Variants in CPT1A observed in about 807,000 individuals in gnomAD.
CPT1A encodes carnitine palmitoyltransferase 1A.
A neutral mutation model predicts 100.8 loss-of-function variants in CPT1A; 64 were observed. The observed-to-expected ratio is 0.63, with a 90% CI of 0.52 to 0.78. CPT1A has a LOEUF of 0.78. CPT1A is among the 30% of genes least tolerant of loss of function. The pLI, the probability that CPT1A is intolerant of heterozygous loss-of-function variation, is 0.00. For missense variants in CPT1A, 802 were observed against 1,034.1 expected, an observed-to-expected ratio of 0.78 and a Z score of 3.08; for synonymous variants, 363 against 396.0, an observed-to-expected ratio of 0.92 and a Z score of 0.99.
chr11:68,754,701 T>C (rs1946660756), downstream of CPT1A: 1 of 729,108 alleles, frequency 1.4e-6, no homozygotes, highest in Admixed American at 1.9e-5. Context: ...GATGAATAAA[T>C]GCACAGCAAG....
At chr11:68,805,654 A>G (rs1856023400) in intron 4 of CPT1A, among the ~76,000 whole-genome samples, 1 of 152,098 alleles carries the variant, frequency 6.6e-6, no homozygotes, top group Non-Finnish European at 1.5e-5. Context: ...CAAGAAACCA[A>G]AGCAGACCCA....
In CPT1A at chr11:68,833,821, G is replaced by A. The variant is rs762537888; in HGVS notation, c.-14+7954C>T. ...ATGTAAGACTCACCTTATGTTTTTCGGAGGGTTTCATGTACAAGAAAGGTG... is the reference window on the plus strand; with the variant it reads ...ATGTAAGACTCACCTTATGTTTTTCAGAGGGTTTCATGTACAAGAAAGGTG... On this transcript the variant is annotated intron_variant, in intron 1 of 18. Coordinates refer to ENST00000265641, the MANE Select transcript of CPT1A (RefSeq NM_001876.4). Among the ~76,000 whole-genome samples the A allele has an allele frequency of 6.6e-5, 10 of 151,992 alleles. No individual in the cohort carries two copies. In the East Asian group the frequency reaches 1.9e-3, roughly 29 times the overall value.
At chr11:68,828,904 G>A (rs1257654540) in intron 1 of CPT1A, among the ~76,000 whole-genome samples, 1 of 152,120 alleles carries the variant, frequency 6.6e-6, no homozygotes, top group Admixed American at 6.5e-5. Flanking sequence ...CTGCTGCCTT[G>A]GGCCCCTCTG....
intron 11 of CPT1A, among the ~76,000 whole-genome samples, chr11:68,781,088 G>A (rs569144490): frequency 1.2e-4 from 19 of 152,284 alleles, no homozygotes; most frequent in African/African-American, 3.6e-4. Flanking sequence ...TGCAGGGGGC[G>A]GGGCTGGCCA....
rs1397904582 is a variant in CPT1A at position 68,780,754 on chromosome 11, AAC to A, written c.1353-11_1353-10del. 2.5e-6 allele frequency: 4 copies of A among 1,610,878 alleles called. No homozygotes were observed. Among genetic ancestry groups the A allele is most frequent in the South Asian group, 2.2e-5 (2 of 91,006 alleles). ...ACGACTTGTCAAACCACCTACGTGAAACACACATGTGTGGAACTTAAGTGTTT... is the reference window on the plus strand; with the variant it reads ...ACGACTTGTCAAACCACCTACGTGAAACACATGTGTGGAACTTAAGTGTTT... On this transcript the variant is annotated splice_polypyrimidine_tract_variant and intron_variant, in intron 11 of 18. Coordinates refer to ENST00000265641, the MANE Select transcript of CPT1A (RefSeq NM_001876.4).
intron 5 of CPT1A, among the ~76,000 whole-genome samples, chr11:68,800,861 C>G (rs888321731): frequency 6.6e-6 from 1 of 151,938 alleles, no homozygotes; most frequent in Non-Finnish European, 1.5e-5. Flanking sequence ...ATGCCTGTAA[C>G]CCCAGCACTT....
At chr11:68,774,150 A>T (rs1170311262) in intron 13 of CPT1A, among the ~76,000 whole-genome samples, 1 of 152,228 alleles carries the variant, frequency 6.6e-6, no homozygotes, top group Non-Finnish European at 1.5e-5. Flanking sequence ...GCCCTCTTCC[A>T]AATGTACTTT....
intron 15 of CPT1A, 95 bp from the exon 16 acceptor site, chr11:68,761,782 G>C: frequency 7.0e-7 from 1 of 1,435,486 alleles, no homozygotes; most frequent in South Asian, 1.2e-5. Context: ...AATATTTTTT[G>C]TTATTTTTAG....
At chr11:68,806,577 G>A (rs972960908) in intron 4 of CPT1A, among the ~76,000 whole-genome samples, 3 of 151,016 alleles carry the variant, frequency 2.0e-5, no homozygotes, top group Non-Finnish European at 4.4e-5. Context: ...GCAGTGAGCC[G>A]TGATGGTGCC....
intron 16 of CPT1A, 130 bp downstream of exon 16, chr11:68,761,405 A>T (rs111298113): frequency 1.9e-6 from 2 of 1,031,050 alleles, no homozygotes; most frequent in Non-Finnish European, 3.0e-6. Flanking sequence ...ATTTTATGAC[A>T]GCTACACCCA....
intron 1 of CPT1A, among the ~76,000 whole-genome samples, chr11:68,830,236 C>A (rs1340054631): frequency 6.6e-6 from 1 of 152,126 alleles, no homozygotes; most frequent in African/African-American, 2.4e-5. Flanking sequence ...CCGGACTGTG[C>A]CACTGCACTC....
intron 14 of CPT1A, among the ~76,000 whole-genome samples, chr11:68,764,452 C>T (rs990044409): frequency 2.0e-5 from 3 of 152,144 alleles, no homozygotes; most frequent in Admixed American, 2.0e-4. Context: ...AGAGGCAAGG[C>T]TGGGCTGAGC....
At chr11:68,783,016 G>C (rs1422613387) in intron 10 of CPT1A, among the ~76,000 whole-genome samples, 1 of 152,188 alleles carries the variant, frequency 6.6e-6, no homozygotes, top group African/African-American at 2.4e-5. Context: ...TCCAGGCTCT[G>C]AGAGGAGGGC....
Position 68,773,415 on chromosome 11 carries a change from T to A in CPT1A, c.1590A>T (p.Ile530=). 6.2e-7 allele frequency: 1 copy of A among 1,613,952 alleles called. No individual in the cohort carries two copies. Among genetic ancestry groups the A allele is most frequent in the East Asian group, 2.2e-5 (1 of 44,878 alleles). ...GATTTGCGGTGTTCAGGGAGGTCTC[T>A]ATAACCTCTTGACACTTGAGAGAAA... ...WDIPGECQEV[I]ETSLNTANLL... The change falls in exon 14 of 19, where the codon ATA becomes ATT. Residue 530 remains isoleucine, a synonymous_variant. Transcript: ENST00000265641.
Position 68,841,703 on chromosome 11 carries a change from C to T in CPT1A, c.-14+72G>A, listed in dbSNP as rs1245785549. 3.6e-6 allele frequency: 3 copies of T among 838,546 alleles called. No homozygotes were observed. Among genetic ancestry groups the T allele is most frequent in the Middle Eastern group, 6.0e-4 (1 of 1,662 alleles). The allele number at this position is 838,546 out of a possible 1,614,324, so 51.9% of individuals were successfully genotyped here. On this transcript the variant is annotated intron_variant, in intron 1 of 18. Coordinates refer to ENST00000265641, the MANE Select transcript of CPT1A (RefSeq NM_001876.4). This position sits in a 1 kb window ranked among gnomAD's most constrained non-coding sequence, Gnocchi z 6.3. ...TCCGGTTCCCGGCAGCCCCGCGCCC[C>T]GCCCGTCCCCGGCCCCCGCAGCCCG... is the stretch of plus-strand genomic sequence containing the variant.
chr11:68,818,608 C>T (rs1290664875), intron 1 of CPT1A: 2 of 152,618 alleles, frequency 1.3e-5, no homozygotes, highest in Non-Finnish European at 2.9e-5. Flanking sequence ...CCTGTAATCC[C>T]AGCACTTTGG....
rs1566350495 is a variant in CPT1A at position 68,775,349 on chromosome 11, G to C, written c.1542C>G (p.Tyr514Ter). The change falls in exon 13 of 19, where the codon TAC becomes TAG. Residue 514 changes from tyrosine to a stop codon, truncating the protein, a stop_gained. Transcript: ENST00000265641. LOFTEE classifies it high-confidence loss of function. Reference sequence around the variant, plus strand: ...GGATGTCCCACTGCAGCCTGGTGGGGTACGGAATGTTCGGATTGATGTCGC... The same window carrying C: ...GGATGTCCCACTGCAGCCTGGTGGGCTACGGAATGTTCGGATTGATGTCGC... Reference protein sequence around the residue: ...CKGDINPNIPYPTRLQWDIPG... With the variant: ...CKGDINPNIP The C allele has an allele frequency of 6.2e-7, 1 of 1,614,192 alleles. No homozygotes were observed. Among genetic ancestry groups the C allele is most frequent in the Non-Finnish European group, 8.5e-7 (1 of 1,180,000 alleles).
intron 1 of CPT1A, among the ~76,000 whole-genome samples, chr11:68,838,139 A>C (rs1857056306): frequency 6.6e-6 from 1 of 152,066 alleles, no homozygotes; most frequent in Admixed American, 6.6e-5. Flanking sequence ...TACCCACCCT[A>C]CTGCCCAACC....
intron 1 of CPT1A, among the ~76,000 whole-genome samples, chr11:68,832,941 G>A (rs752641273): frequency 8.5e-5 from 13 of 152,220 alleles, no homozygotes; most frequent in Admixed American, 2.0e-4. Context: ...TGGAGAAGGC[G>A]CTGTAGGCAG....
Sources: allele counts gnomAD v4.1 joint callset (sites outside exome capture counted in the v4.1 genomes callset), GRCh38; gene constraint gnomAD v4.1.1; non-coding constraint Gnocchi (gnomAD v3.1); transcripts MANE v1.5; gene names NCBI Gene and HGNC (gene_info 2026-07-23, HGNC 2026-07-21).